PRKN: variants seen among roughly 807,000 people sequenced by gnomAD.
PRKN encodes the protein E3 ubiquitin-protein ligase parkin.
A neutral mutation model predicts 59.5 loss-of-function variants in PRKN; 56 were observed. The observed-to-expected ratio is 0.94, with a 90% CI of 0.76 to 1.18. PRKN has a LOEUF of 1.18. PRKN is among the 50% of genes most tolerant of loss of function. The pLI is 0.00. For missense variants in PRKN, 657 were observed against 596.4 expected, an observed-to-expected ratio of 1.10 and a Z score of -1.06; for synonymous variants, 250 against 222.1, an observed-to-expected ratio of 1.13 and a Z score of -1.12.
At chr6:162,468,127 C>T (rs1241223604) in intron 1 of PRKN, among the ~76,000 whole-genome samples, 3 of 152,178 alleles carry the variant, frequency 2.0e-5, no homozygotes, top group East Asian at 1.9e-4. Context: ...GGGACTTTGC[C>T]TCTGTATATT....
At chr6:162,085,662 T>TA (rs1260775597) in intron 4 of PRKN, among the ~76,000 whole-genome samples, 9 of 152,116 alleles carry the variant, frequency 5.9e-5, no homozygotes, top group Admixed American at 2.0e-4. Flanking sequence ...GGAGTTAAGA[T>TA]ACTATTCATG....
At chr6:162,533,799 C>T (rs1323227109) in intron 1 of PRKN, among the ~76,000 whole-genome samples, 2 of 151,820 alleles carry the variant, frequency 1.3e-5, no homozygotes, top group Non-Finnish European at 2.9e-5. Flanking sequence ...GGTAAAACCC[C>T]ATCTCCACTA....
At chr6:162,443,858 T>C (rs1278489831) in intron 1 of PRKN, among the ~76,000 whole-genome samples, 4 of 151,960 alleles carry the variant, frequency 2.6e-5, no homozygotes. Context: ...AGTGACCCTC[T>C]TAATAAAAAT....
chr6:162,326,016 C>T (rs112947226), intron 2 of PRKN, among the ~76,000 whole-genome samples: 259 of 152,144 alleles, frequency 1.7e-3, no homozygotes, highest in Non-Finnish European at 3.0e-3. Context: ...AAATCAGAGG[C>T]CGCTCATAGA....
rs116616613 is a variant in PRKN at position 161,887,827 on chromosome 6, C to T, written c.734+85475G>A. ...TTATTTTGTCCCATTAAGGTCGATG[C>T]GATTTTTACCAGATATAGAAATATC... On this transcript the variant is annotated intron_variant, in intron 6 of 11. Transcript: ENST00000366898. 9.4e-3 allele frequency among the ~76,000 whole-genome samples: 1,426 copies of T among 152,140 alleles called. 21 individuals carry two copies. Among genetic ancestry groups the T allele is most frequent in the African/African-American group, 0.032 (1,347 of 41,494 alleles).
At chr6:161,740,579 G>A (rs1788145993) in intron 7 of PRKN, among the ~76,000 whole-genome samples, 1 of 152,190 alleles carries the variant, frequency 6.6e-6, no homozygotes, top group Admixed American at 6.5e-5. Context: ...TGAATGGGCC[G>A]TTTGCAACAT....
chr6:161,901,512 C>A (rs867772250), intron 6 of PRKN, among the ~76,000 whole-genome samples: 1 of 152,106 alleles, frequency 6.6e-6, no homozygotes, highest in Non-Finnish European at 1.5e-5. Context: ...AGACAACACA[C>A]CTCAGATTTT....
At chr6:161,585,155 G>A (rs1781476372) in intron 7 of PRKN, among the ~76,000 whole-genome samples, 1 of 152,216 alleles carries the variant, frequency 6.6e-6, no homozygotes, top group African/African-American at 2.4e-5. Flanking sequence ...CAGAGTGTGA[G>A]TTAAGCACTA....
intron 8 of PRKN, among the ~76,000 whole-genome samples, chr6:161,555,342 C>T (rs1211956759): frequency 6.6e-6 from 1 of 152,186 alleles, no homozygotes; most frequent in Non-Finnish European, 1.5e-5. Context: ...TCTACATTCG[C>T]TGCATCATTT....
intron 4 of PRKN, among the ~76,000 whole-genome samples, chr6:162,113,975 C>T (rs1302925054): frequency 4.0e-5 from 6 of 150,528 alleles, no homozygotes; most frequent in South Asian, 2.1e-4. Flanking sequence ...ATAGGGAATC[C>T]TTTCCCCATT....
intron 4 of PRKN, among the ~76,000 whole-genome samples, chr6:162,158,086 GTT>G (rs1782597212): frequency 4.6e-5 from 7 of 151,772 alleles, no homozygotes; most frequent in Admixed American, 4.6e-4. Context: ...GGTGCGATAA[GTT>G]TTTGGCATAT....
Position 161,362,251 on chromosome 6 carries a change from G to C in PRKN, c.1168-2046C>G, listed in dbSNP as rs114615294. Among the ~76,000 whole-genome samples the C allele has an allele frequency of 6.6e-6, 1 of 152,142 alleles. No homozygotes were observed. Among genetic ancestry groups the C allele is most frequent in the Non-Finnish European group, 1.5e-5 (1 of 68,028 alleles). ...ATATGGAAAAAAATCTTTTTTAAACGTACGGCTGATAGGGTGGGAAGGCAA... is the reference window on the plus strand; with the variant it reads ...ATATGGAAAAAAATCTTTTTTAAACCTACGGCTGATAGGGTGGGAAGGCAA... On this transcript the variant is annotated intron_variant, in intron 10 of 11. Transcript: ENST00000366898. The surrounding 1 kb of genome is among the most constrained non-coding windows in gnomAD (Gnocchi z 5.2).
chr6:162,679,159 G>A (rs370634070), intron 1 of PRKN, among the ~76,000 whole-genome samples: 3 of 151,416 alleles, frequency 2.0e-5, no homozygotes, highest in Admixed American at 6.6e-5. Flanking sequence ...GAGTGCAATG[G>A]TGCAATCTCG....
In PRKN at chr6:162,096,341, A is replaced by G. The variant is rs537366936; in HGVS notation, c.535-42167T>C. ...TTTGTGTAGTTTTAAAAGTACAAGC[A>G]TATAAAAATAGATAAGCCAACCTGT... On this transcript the variant is annotated intron_variant, in intron 4 of 11. Coordinates refer to ENST00000366898, the MANE Select transcript of PRKN (RefSeq NM_004562.3). Among the ~76,000 whole-genome samples the G allele has an allele frequency of 5.3e-5, 8 of 152,358 alleles. No homozygotes were observed. The South Asian group carries it at 1.7e-3, about 32-fold the overall frequency.
At chr6:161,910,202 C>T (rs1053520651) in intron 6 of PRKN, among the ~76,000 whole-genome samples, 3 of 152,174 alleles carry the variant, frequency 2.0e-5, no homozygotes, top group African/African-American at 7.2e-5. Context: ...ATGGCGTCTA[C>T]TTCTAGGGAA....
chr6:162,625,111 TCATAAGGCTGAA>T (rs1782830698), intron 1 of PRKN, among the ~76,000 whole-genome samples: 1 of 152,186 alleles, frequency 6.6e-6, no homozygotes, highest in Non-Finnish European at 1.5e-5. Flanking sequence ...CTTCTCTCTG[TCATAAGGCTGAA>T]CGTGCTCCAG....
intron 3 of PRKN, among the ~76,000 whole-genome samples, chr6:162,218,162 G>A (rs1777776392): frequency 6.6e-6 from 1 of 152,214 alleles, no homozygotes; most frequent in Admixed American, 6.5e-5. Flanking sequence ...TTGCTGGGGA[G>A]CAGCGTGATG....
At chr6:162,079,870 G>A (rs1481771752) in intron 4 of PRKN, among the ~76,000 whole-genome samples, 3 of 152,092 alleles carry the variant, frequency 2.0e-5, no homozygotes, top group African/African-American at 7.3e-5. Flanking sequence ...TTTACAGTTA[G>A]TATAATGCTG....
At chr6:162,024,629 T>C (rs1400036852) in intron 5 of PRKN, among the ~76,000 whole-genome samples, 1 of 152,206 alleles carries the variant, frequency 6.6e-6, no homozygotes, top group Non-Finnish European at 1.5e-5. Flanking sequence ...ACTTTTTGTG[T>C]GTAAGGCTCT....
Sources: gnomAD v4.1 joint callset for allele counts (sites outside exome capture counted in the v4.1 genomes callset) on GRCh38, gnomAD v4.1.1 for gene constraint, Gnocchi (gnomAD v3.1) non-coding constraint, MANE v1.5 for transcripts, NCBI Gene and HGNC (gene_info 2026-07-23, HGNC 2026-07-21) for gene names.